The following RTN4RL1 variants were observed in gnomAD, a reference collection of about 807,000 sequenced individuals.
RTN4RL1 encodes reticulon 4 receptor like 1.
In RTN4RL1, 7 loss-of-function variants were observed where a neutral mutation model predicts 25.6. That is an observed-to-expected ratio of 0.27 (90% CI 0.16 to 0.51). The LOEUF is 0.51. RTN4RL1 is among the 20% of genes least tolerant of loss of function. The pLI is 0.97. For synonymous variants in RTN4RL1, 297 were observed against 288.2 expected (o/e 1.03, Z -0.31); for missense variants, 500 against 615.6 (o/e 0.81, Z 1.99).
chr17:1,992,610 G>A (rs1026254688), intron 1 of RTN4RL1, among the ~76,000 whole-genome samples: 11 of 152,148 alleles, frequency 7.2e-5, no homozygotes, highest in African/African-American at 1.2e-4. Context: ...AGCCTGTCTC[G>A]CGGGTGGCTG....
At chr17:2,016,710 G>A (rs1026034057) in intron 1 of RTN4RL1, among the ~76,000 whole-genome samples, 4 of 152,162 alleles carry the variant, frequency 2.6e-5, no homozygotes, top group Admixed American at 6.5e-5. Context: ...GGCAGCAGGC[G>A]GGCAGGCGGG....
intron 1 of RTN4RL1, among the ~76,000 whole-genome samples, chr17:1,971,346 T>C (rs1223381845): frequency 1.3e-5 from 2 of 152,218 alleles, no homozygotes; most frequent in South Asian, 2.1e-4. Context: ...CACGCAGAAC[T>C]GTAGGTCAAT....
intron 1 of RTN4RL1, among the ~76,000 whole-genome samples, chr17:1,996,399 G>T (rs56063362): frequency 1.9e-5 from 1 of 53,900 alleles, no homozygotes; most frequent in Admixed American, 2.1e-4. Flanking sequence ...CCTCCCCCCC[G>T]GCCCAAGGTC....
chr17:1,993,047 AGCC>A (rs1470018131), intron 1 of RTN4RL1, among the ~76,000 whole-genome samples: 2 of 152,120 alleles, frequency 1.3e-5, no homozygotes, highest in African/African-American at 4.8e-5. Flanking sequence ...GTTCGAGACC[AGCC>A]TGGACAACAT....
chr17:2,003,414 C>G (rs1400239752), intron 1 of RTN4RL1: 1 of 152,012 alleles, frequency 6.6e-6, no homozygotes, highest in East Asian at 1.9e-4. Context: ...CCCCCCAGAG[C>G]CTGCCACCGA....
rs543851065 is a variant in RTN4RL1, at chr17:1,956,550, G to T, written c.14-18742C>A. On this transcript the variant is annotated intron_variant, in intron 1 of 1. Transcript: ENST00000331238. ...GATGCGGTAACAGGCACGATGTTTA[G>T]AGACTGCAGAGTATCCCACTGCATG... 1.3e-4 allele frequency among the ~76,000 whole-genome samples: 20 copies of T among 152,312 alleles called. No individual in the cohort carries two copies. The East Asian group carries it at 2.9e-3, about 22-fold the overall frequency.
intron 1 of RTN4RL1, among the ~76,000 whole-genome samples, chr17:2,005,601 G>A (rs1052813669): frequency 2.3e-4 from 35 of 152,000 alleles, no homozygotes; most frequent in African/African-American, 7.0e-4. Flanking sequence ...GTGTGGTGGC[G>A]TACTCCTGTG....
intron 1 of RTN4RL1, among the ~76,000 whole-genome samples, chr17:1,955,814 A>C (rs4790298): frequency 0.85 from 128,113 of 151,424 alleles, 54,505 homozygotes; most frequent in Admixed American, 0.89. Flanking sequence ...GAACTCCTGA[A>C]CTCAAGTGAT....
chr17:1,997,714 G>GCTGCCC (rs957745436), intron 1 of RTN4RL1, among the ~76,000 whole-genome samples: 2 of 152,154 alleles, frequency 1.3e-5, no homozygotes, highest in African/African-American at 4.8e-5. Flanking sequence ...GGCACCCCTA[G>GCTGCCC]CTGCCCCTGC....
At chr17:1,974,879 C>A (rs2066836231) in intron 1 of RTN4RL1, among the ~76,000 whole-genome samples, 1 of 152,238 alleles carries the variant, frequency 6.6e-6, no homozygotes, top group Admixed American at 6.5e-5. Flanking sequence ...GGCATGGTGC[C>A]TGATGGAAGG....
intron 1 of RTN4RL1, among the ~76,000 whole-genome samples, chr17:1,976,289 G>A (rs960229036): frequency 1.3e-5 from 2 of 152,224 alleles, no homozygotes; most frequent in East Asian, 3.8e-4. Context: ...AGAAGGTCAA[G>A]GTTCCAGAGA....
intron 1 of RTN4RL1, among the ~76,000 whole-genome samples, chr17:1,968,019 C>G (rs553072053): frequency 6.6e-6 from 1 of 152,176 alleles, no homozygotes; most frequent in Non-Finnish European, 1.5e-5. Context: ...CTTGACACAA[C>G]GCCCACCCGG....
rs557165524 is a variant in RTN4RL1 at position 2,006,244 on chromosome 17, G to A, written c.13+18609C>T. ...ACAATCTCGGCTCACTGTAACCTCCGCCTCCCAGGTTCAAGCAATTCTCAA... is the reference window on the plus strand; with the variant it reads ...ACAATCTCGGCTCACTGTAACCTCCACCTCCCAGGTTCAAGCAATTCTCAA... On this transcript the variant is annotated intron_variant, in intron 1 of 1. Coordinates refer to ENST00000331238, the MANE Select transcript of RTN4RL1 (RefSeq NM_178568.4). 3.3e-5 allele frequency among the ~76,000 whole-genome samples: 5 copies of A among 150,544 alleles called. No individual in the cohort carries two copies. In the South Asian group the frequency reaches 8.4e-4, roughly 25 times the overall value.
chr17:1,937,844 C>T (rs746530311), intron 1 of RTN4RL1, 36 bp from the exon 2 acceptor site: 17 of 1,501,970 alleles, frequency 1.1e-5, no homozygotes, highest in African/African-American at 5.5e-5. Context: ...GGTCAGGGGC[C>T]GTGCAGGTGA....
chr17:2,017,294 A>G (rs2067136897), intron 1 of RTN4RL1, among the ~76,000 whole-genome samples: 1 of 152,212 alleles, frequency 6.6e-6, no homozygotes, highest in South Asian at 2.1e-4. Context: ...TTGCTCACGT[A>G]GTTGTCACCA....
At chr17:1,954,452 G>T (rs375559351) in intron 1 of RTN4RL1, among the ~76,000 whole-genome samples, 1 of 142,494 alleles carries the variant, frequency 7.0e-6, no homozygotes, top group Non-Finnish European at 1.5e-5. Context: ...GCAGTGGCAC[G>T]ATCTCAGCTC....
At chr17:2,016,202 G>A (rs1445672532) in intron 1 of RTN4RL1, among the ~76,000 whole-genome samples, 1 of 152,134 alleles carries the variant, frequency 6.6e-6, no homozygotes, top group Admixed American at 6.5e-5. Flanking sequence ...CCAACATAGT[G>A]AAACCCCGTT....
intron 1 of RTN4RL1, among the ~76,000 whole-genome samples, chr17:2,005,450 C>A (rs1414229138): frequency 6.6e-6 from 1 of 152,242 alleles, no homozygotes; most frequent in Non-Finnish European, 1.5e-5. Flanking sequence ...TTTAATCACT[C>A]CACTCAGAGG....
rs1304265460 is a variant in RTN4RL1, at chr17:1,998,704, C to T, written c.13+26149G>A. 2.0e-5 allele frequency among the ~76,000 whole-genome samples: 3 copies of T among 151,794 alleles called. No individual in the cohort carries two copies. The highest frequency in any genetic ancestry group is 2.9e-5 in the Non-Finnish European group (2 of 67,866). ...GCCCAAGCTGGCGCTGCCGGAGCGCCCGGGCCCCGCTCCCCTCACGGGCCT... is the reference window on the plus strand; with the variant it reads ...GCCCAAGCTGGCGCTGCCGGAGCGCTCGGGCCCCGCTCCCCTCACGGGCCT... On this transcript the variant is annotated intron_variant, in intron 1 of 1. Transcript: ENST00000331238. The surrounding 1 kb of genome is among the most constrained non-coding windows in gnomAD (Gnocchi z 4.9).
Sources: gnomAD v4.1 joint callset for allele counts (sites outside exome capture counted in the v4.1 genomes callset) on GRCh38, gnomAD v4.1.1 for gene constraint, Gnocchi (gnomAD v3.1) non-coding constraint, MANE v1.5 for transcripts, NCBI Gene and HGNC (gene_info 2026-07-23, HGNC 2026-07-21) for gene names.